The following ZBTB7C variants were observed in gnomAD, a reference collection of about 807,000 sequenced individuals.
The protein encoded by ZBTB7C is zinc finger and BTB domain-containing protein 7C.
Under a neutral mutation model 25.7 loss-of-function variants are expected in ZBTB7C, and 8 were observed. The ratio of observed to expected loss-of-function variants is 0.31; its 90% CI spans 0.18 to 0.56. The LOEUF (loss-of-function observed/expected upper bound fraction) is 0.56, where lower values mean the gene tolerates loss of function less well. Ranked by LOEUF, ZBTB7C falls within the 20% of genes least tolerant of loss-of-function variation. ZBTB7C has a pLI of 0.91. For synonymous variants in ZBTB7C, 394 were observed against 369.0 expected, an observed-to-expected ratio of 1.07 and a Z score of -0.78; for missense variants, 824 against 855.2, an observed-to-expected ratio of 0.96 and a Z score of 0.46.
intron 2 of ZBTB7C, among the ~76,000 whole-genome samples, chr18:48,236,082 T>C (rs2043371048): frequency 6.6e-6 from 1 of 152,240 alleles, no homozygotes; most frequent in African/African-American, 2.4e-5. Context: ...TATTCAGCCT[T>C]CTGTGTCTCT....
intron 3 of ZBTB7C, among the ~76,000 whole-genome samples, chr18:48,043,961 G>C (rs1321346012): frequency 6.6e-6 from 1 of 152,174 alleles, no homozygotes; most frequent in Non-Finnish European, 1.5e-5. Context: ...AGGCTTCCTT[G>C]AGGAAGCATC....
chr18:48,296,419 G>A (rs1194507673), intron 2 of ZBTB7C, among the ~76,000 whole-genome samples: 4 of 152,190 alleles, frequency 2.6e-5, no homozygotes, highest in African/African-American at 9.7e-5. Context: ...CATTTCAAGA[G>A]GCTCTTCTCT....
chr18:48,125,613 C>T (rs72920081), intron 3 of ZBTB7C, among the ~76,000 whole-genome samples: 33 of 152,192 alleles, frequency 2.2e-4, no homozygotes, highest in South Asian at 8.3e-4. Flanking sequence ...TGGCTGGAGA[C>T]GCAGTGAAGC....
At position 48,106,663 on chromosome 18, in the gene ZBTB7C, T is replaced by C. The variant is rs184120317; in HGVS notation, c.-16-65540A>G. ...AAAACCTATCAAACTACACTCTAAA[T>C]ATGGGAGGTTCATTCTACATCAGTC... On this transcript the variant is annotated intron_variant, in intron 3 of 4. Transcript: ENST00000590800. 2.8e-3 allele frequency among the ~76,000 whole-genome samples: 433 copies of C among 152,258 alleles called. 2 individuals carry two copies. Among genetic ancestry groups the C allele is most frequent in the Non-Finnish European group, 3.0e-3 (204 of 68,022 alleles).
chr18:48,259,134 G>A (rs2044099516), intron 2 of ZBTB7C, among the ~76,000 whole-genome samples: 1 of 152,052 alleles, frequency 6.6e-6, no homozygotes, highest in African/African-American at 2.4e-5. Context: ...ATTTTTAGTA[G>A]AGACAGGGTT....
chr18:48,325,569 G>C (rs1346345025), intron 2 of ZBTB7C, among the ~76,000 whole-genome samples: 3 of 152,210 alleles, frequency 2.0e-5, no homozygotes, highest in Non-Finnish European at 2.9e-5. Flanking sequence ...ATACAGGCCA[G>C]CTTCATCAAA....
chr18:48,391,719 A>G (rs1796244063), intron 1 of ZBTB7C, among the ~76,000 whole-genome samples: 1 of 152,082 alleles, frequency 6.6e-6, no homozygotes, highest in Non-Finnish European at 1.5e-5. Flanking sequence ...GGTTGGGTCC[A>G]CCCCTAGAGT....
chr18:48,347,223 G>A (rs117190539), intron 1 of ZBTB7C, among the ~76,000 whole-genome samples: 8,858 of 132,516 alleles, frequency 0.067, 317 homozygotes, highest in Middle Eastern at 0.087. Flanking sequence ...CTCCTGCCAC[G>A]GCCTCCCAAG....
At chr18:48,100,675 G>A (rs1033348284) in intron 3 of ZBTB7C, among the ~76,000 whole-genome samples, 1 of 152,152 alleles carries the variant, frequency 6.6e-6, no homozygotes, top group Non-Finnish European at 1.5e-5. Context: ...CTGTTATCCG[G>A]GGTTTCTATT....
chr18:48,172,743 GCT>G (rs1373723601), intron 3 of ZBTB7C, among the ~76,000 whole-genome samples: 1 of 152,244 alleles, frequency 6.6e-6, no homozygotes, highest in Non-Finnish European at 1.5e-5. Context: ...TGGACTTGCT[GCT>G]CTGTCCCAGG....
At chr18:48,385,222 C>T (rs1416101169) in intron 1 of ZBTB7C, among the ~76,000 whole-genome samples, 1 of 152,150 alleles carries the variant, frequency 6.6e-6, no homozygotes, top group Non-Finnish European at 1.5e-5. Flanking sequence ...TTGTATATAC[C>T]TTATTCCGTC....
Position 48,172,456 on chromosome 18 carries a change from C to T in ZBTB7C, c.-17+13478G>A, listed in dbSNP as rs543725399. Reference sequence around the variant, plus strand: ...AGGTAGAAGGGTTGGGAGCTGGGAGCGGAGTCTGTGTGCCCTGTCTCCATG... The same window carrying T: ...AGGTAGAAGGGTTGGGAGCTGGGAGTGGAGTCTGTGTGCCCTGTCTCCATG... On this transcript the variant is annotated intron_variant, in intron 3 of 4. Transcript: ENST00000590800. Among the ~76,000 whole-genome samples, 6 of 152,236 alleles carry T rather than the reference C, an allele frequency of 3.9e-5. No homozygotes were observed. The East Asian group carries it at 5.8e-4, about 15-fold the overall frequency.
In ZBTB7C at chr18:48,040,005, A is replaced by G; in HGVS notation, c.1103T>C (p.Ile368Thr). The G allele has an allele frequency of 3.7e-6, 6 of 1,614,112 alleles. No homozygotes were observed. The highest frequency in any genetic ancestry group is 5.1e-6 in the Non-Finnish European group (6 of 1,180,020). ...GGCCCCCATGATGACTTTGTGGCAG[A>G]TGGGGCACTGCTGAGAGGCCTTGGG... ...LKPKASQQCP[I>T]CHKVIMGAGK... Residue 368 changes from isoleucine to threonine, a missense_variant, in exon 4 of 5, where the codon ATC becomes ACC. Coordinates refer to ENST00000590800, the MANE Select transcript of ZBTB7C (RefSeq NM_001318841.2).
intron 1 of ZBTB7C, among the ~76,000 whole-genome samples, chr18:48,385,069 A>C (rs1010173397): frequency 1.3e-5 from 2 of 152,160 alleles, no homozygotes; most frequent in Admixed American, 6.5e-5. Context: ...TAAGCAGCAG[A>C]AGGTCATGTG....
At chr18:48,103,750 G>T (rs2038931535) in intron 3 of ZBTB7C, among the ~76,000 whole-genome samples, 1 of 151,908 alleles carries the variant, frequency 6.6e-6, no homozygotes. Flanking sequence ...ATATTATTTG[G>T]CAATAAGAAG....
intron 2 of ZBTB7C, among the ~76,000 whole-genome samples, chr18:48,260,448 A>G (rs1464595428): frequency 6.6e-6 from 1 of 152,222 alleles, no homozygotes; most frequent in Non-Finnish European, 1.5e-5. Flanking sequence ...AGATGTATGC[A>G]TAAGTCTAAA....
At chr18:48,325,839 A>C (rs1444109141) in intron 2 of ZBTB7C, among the ~76,000 whole-genome samples, 2 of 152,160 alleles carry the variant, frequency 1.3e-5, no homozygotes, top group Admixed American at 1.3e-4. Flanking sequence ...GCAACAGATC[A>C]GGGACTGGAA....
intron 3 of ZBTB7C, among the ~76,000 whole-genome samples, chr18:48,184,819 TTC>T (rs34659373): frequency 0.83 from 122,513 of 147,754 alleles, 50,728 homozygotes; most frequent in East Asian, 0.97. Flanking sequence ...GTGGAGAATT[TTC>T]TCTCTCTCTC....
At chr18:48,308,476 G>C (rs889451615) in intron 2 of ZBTB7C, among the ~76,000 whole-genome samples, 1 of 152,180 alleles carries the variant, frequency 6.6e-6, no homozygotes, top group African/African-American at 2.4e-5. Context: ...GGCATCCCGA[G>C]TCTCCTGCCA....
Sources: gnomAD v4.1 joint callset for allele counts (sites outside exome capture counted in the v4.1 genomes callset) on GRCh38, gnomAD v4.1.1 for gene constraint, MANE v1.5 for transcripts, NCBI Gene and HGNC (gene_info 2026-07-23, HGNC 2026-07-21) for gene names.